PARP1: variants seen among roughly 807,000 people sequenced by gnomAD.
The protein encoded by PARP1 is poly(ADP-ribose) polymerase 1.
PARP1 carries 44 observed loss-of-function variants against 118.7 expected under a neutral mutation model. The ratio of observed to expected loss-of-function variants is 0.37; its 90% CI spans 0.29 to 0.48. The LOEUF is 0.48. PARP1 is among the 20% of genes least tolerant of loss of function. The probability of loss-of-function intolerance (pLI) is 0.99; values close to 1 mark genes in which losing one functional copy is unlikely to be tolerated. For synonymous variants in PARP1, 492 were observed against 483.2 expected (o/e 1.02, Z -0.24); for missense variants, 1,100 against 1,272.4 (o/e 0.86, Z 2.06).
intron 1 of PARP1, 82 bp downstream of exon 1, chr1:226,407,728 G>GGGCCCCCC: frequency 7.8e-7 from 1 of 1,289,832 alleles, no homozygotes; most frequent in Non-Finnish European, 1.0e-6. Context: ...CGCTCCCTGG[G>GGGCCCCCC]CCCGCCCTCC....
intron 13 of PARP1, 79 bp downstream of exon 13, chr1:226,377,029 T>C: frequency 8.0e-7 from 1 of 1,253,086 alleles, no homozygotes; most frequent in Non-Finnish European, 1.2e-6. Flanking sequence ...TGCCACCTGA[T>C]CCACGATGTG....
chr1:226,402,626 G>A (rs1665060506), intron 1 of PARP1, among the ~76,000 whole-genome samples: 1 of 152,200 alleles, frequency 6.6e-6, no homozygotes, highest in Non-Finnish European at 1.5e-5. Context: ...CATTCTCTTA[G>A]GACACCAAAC....
At chr1:226,385,741 C>T (rs750212058) in intron 6 of PARP1, 61 bp from the exon 7 acceptor site, 1 of 1,449,374 alleles carries the variant, frequency 6.9e-7, no homozygotes, top group African/African-American at 1.4e-5. Flanking sequence ...AGGACACTTA[C>T]TAATGTGGGA....
chr1:226,384,498 A>G (rs1296965341), intron 7 of PARP1, among the ~76,000 whole-genome samples: 1 of 152,272 alleles, frequency 6.6e-6, no homozygotes, highest in Non-Finnish European at 1.5e-5. Context: ...TACAATTGAT[A>G]TATAAAATAC....
chr1:226,396,561 G>C (rs1225033545), intron 2 of PARP1, among the ~76,000 whole-genome samples: 1 of 152,104 alleles, frequency 6.6e-6, no homozygotes, highest in African/African-American at 2.4e-5. Context: ...CTGAATTAGA[G>C]GATTTGGGAT....
At chr1:226,385,439 C>T in intron 7 of PARP1, 65 bp downstream of exon 7, 1 of 1,418,618 alleles carries the variant, frequency 7.0e-7, no homozygotes, top group Non-Finnish European at 1.0e-6. Flanking sequence ...GAAGTATAAA[C>T]AAGCGCAGAA....
intron 1 of PARP1, among the ~76,000 whole-genome samples, chr1:226,407,465 A>G (rs1461075328): frequency 3.3e-5 from 5 of 152,070 alleles, no homozygotes; most frequent in Non-Finnish European, 7.4e-5. Flanking sequence ...GATTAGCTTA[A>G]AGAGACCATG....
chr1:226,399,595 T>G (rs1416400339), intron 2 of PARP1, among the ~76,000 whole-genome samples: 1 of 152,218 alleles, frequency 6.6e-6, no homozygotes, highest in Non-Finnish European at 1.5e-5. Flanking sequence ...TAAAGGTACA[T>G]GCATGTCAAT....
chr1:226,391,534 A>G (rs1364413277), intron 3 of PARP1, among the ~76,000 whole-genome samples: 1 of 152,158 alleles, frequency 6.6e-6, no homozygotes, highest in Non-Finnish European at 1.5e-5. Flanking sequence ...GAGGATCTTA[A>G]TGTTTGCCTT....
intron 1 of PARP1, among the ~76,000 whole-genome samples, chr1:226,405,601 C>T (rs1048748231): frequency 2.6e-5 from 4 of 152,116 alleles, no homozygotes; most frequent in African/African-American, 9.7e-5. Context: ...CCACCAAGCC[C>T]GGCCCCAGAA....
chr1:226,406,090 A>T (rs750083772), intron 1 of PARP1, among the ~76,000 whole-genome samples: 78 of 152,200 alleles, frequency 5.1e-4, no homozygotes, highest in Non-Finnish European at 9.4e-4. Context: ...AATAACTGTG[A>T]TTTTTGTAGC....
chr1:226,386,401 C>A lies in PARP1; in HGVS notation c.759G>T (p.Lys253Asn), dbSNP rs139912909. ...DLIWNIKDEL[K>N]KVCSTNDLKE... ...TCAGGTCATTAGTTGAACACACTTT[C>A]TTTAGCTCGTCCTTGATGTTCCAGA... Residue 253 changes from lysine (K) to asparagine (N), a missense_variant, in exon 6 of 23, where the codon AAG becomes AAT. Lys to Asn is a moderately conservative substitution (Grantham distance 94, BLOSUM62 0). This residue lies in a region of PARP1 where 948 missense variants were observed against 1,031.8 expected (regional missense o/e 0.92). Transcript: ENST00000366794. The A allele has an allele frequency of 8.6e-5, 139 of 1,613,944 alleles. No individual in the cohort carries two copies. Among genetic ancestry groups the A allele is most frequent in the Non-Finnish European group, 1.1e-4 (135 of 1,179,924 alleles).
intron 1 of PARP1, among the ~76,000 whole-genome samples, chr1:226,406,671 C>T (rs9282580): frequency 0.041 from 6,270 of 152,268 alleles, 177 homozygotes; most frequent in Non-Finnish European, 0.061. Context: ...GTCCTTAAAA[C>T]CTAACAGAGT....
Position 226,381,054 on chromosome 1 carries a change from C to G in PARP1, c.1300+14G>C. Reference sequence around the variant, plus strand: ...AAGCATTGTCCCTGTTGCACAAATTCAGATTCAACTCACTTTTGGTGCTGA... The same window carrying G: ...AAGCATTGTCCCTGTTGCACAAATTGAGATTCAACTCACTTTTGGTGCTGA... On this transcript the variant is annotated intron_variant, in intron 9 of 22. Coordinates refer to ENST00000366794, the MANE Select transcript of PARP1 (RefSeq NM_001618.4). The G allele has an allele frequency of 1.9e-6, 3 of 1,614,124 alleles. No individual in the cohort carries two copies. Among genetic ancestry groups the G allele is most frequent in the Non-Finnish European group, 2.5e-6 (3 of 1,179,962 alleles).
In PARP1 at chr1:226,402,179, G is replaced by A. The variant is rs369624573; in HGVS notation, c.286+35C>T. On this transcript the variant is annotated intron_variant, in intron 2 of 22. Coordinates refer to ENST00000366794, the MANE Select transcript of PARP1 (RefSeq NM_001618.4). ...GCCCTCCTGGGAGCTTCAGGGTGGG[G>A]GCTGAATGCCCATGCTGCCCCAGTA... The A allele has an allele frequency of 7.6e-5, 122 of 1,614,026 alleles. No homozygotes were observed. The African/African-American group carries it at 1.4e-3, about 18-fold the overall frequency.
rs1167917554 is a variant in PARP1, at chr1:226,370,436, G to C, written c.2152C>G (p.Gln718Glu). 1 of 1,612,966 alleles carries C rather than the reference G, an allele frequency of 6.2e-7. No homozygotes were observed. The change falls in exon 15 of 23, where the codon CAG becomes GAG. Residue 718 changes from glutamine (Q) to glutamate (E), a missense_variant and splice_region_variant. Coordinates refer to ENST00000366794, the MANE Select transcript of PARP1 (RefSeq NM_001618.4). ...AAYSILSEVQ[Q>E]AVSQGSSDSQ... is the part of the protein sequence containing the mutation. ...GCCCCTGGTAGCCCTGTGCTTACCT[G>C]CTGGACCTCACTGAGGATGGAGTAT...
chr1:226,363,144 C>T lies in PARP1; in HGVS notation c.2803G>A (p.Ala935Thr), dbSNP rs759579130. The change falls in exon 21 of 23, where the codon GCT (alanine) becomes ACT (threonine). Residue 935 changes from alanine to threonine, a missense_variant. This residue lies in a region of PARP1 where 152 missense variants were observed against 240.6 expected (regional missense o/e 0.63). Coordinates refer to ENST00000366794, the MANE Select transcript of PARP1 (RefSeq NM_001618.4). ...TTGGGTAACTTGCTGATATGTGAAGCGTGCTTCAGTTCATACCTATTCAAA... is the reference window on the plus strand; with the variant it reads ...TTGGGTAACTTGCTGATATGTGAAGTGTGCTTCAGTTCATACCTATTCAAA... ...ALGNMYELKH[A>T]SHISKLPKGK... 31 of 1,613,170 alleles carry T rather than the reference C, an allele frequency of 1.9e-5. No homozygotes were observed. The highest frequency in any genetic ancestry group is 2.4e-5 in the Non-Finnish European group (28 of 1,179,258).
At chr1:226,372,711 C>T (rs967173112) in intron 14 of PARP1, among the ~76,000 whole-genome samples, 7 of 152,032 alleles carry the variant, frequency 4.6e-5, no homozygotes, top group Non-Finnish European at 7.4e-5. Flanking sequence ...AAAACAACAA[C>T]AAAAACAACA....
intron 16 of PARP1, among the ~76,000 whole-genome samples, chr1:226,367,849 C>T (rs903184526): frequency 2.6e-5 from 4 of 152,168 alleles, no homozygotes; most frequent in South Asian, 2.1e-4. Context: ...TCTTTCCTCT[C>T]GTACATGCTG....
Sources: gnomAD v4.1 joint callset for allele counts (sites outside exome capture counted in the v4.1 genomes callset) on GRCh38, gnomAD v4.1.1 for gene constraint, gnomAD v4.1.1 regional missense constraint, MANE v1.5 for transcripts, NCBI Gene and HGNC (gene_info 2026-07-23, HGNC 2026-07-21) for gene names.